ARHGAP32: variants seen among roughly 807,000 people sequenced by gnomAD.
ARHGAP32 encodes rho GTPase-activating protein 32.
A neutral mutation model predicts 186.5 loss-of-function variants in ARHGAP32; 51 were observed. The ratio of observed to expected loss-of-function variants is 0.27; its 90% CI spans 0.22 to 0.35. The LOEUF (loss-of-function observed/expected upper bound fraction) is 0.35. Among genes scored for constraint, ARHGAP32 ranks in the 10% least tolerant of loss-of-function variants. ARHGAP32 has a pLI of 1.00. For missense variants in ARHGAP32, 2,186 were observed against 2,623.5 expected, an observed-to-expected ratio of 0.83 and a Z score of 3.64; for synonymous variants, 950 against 964.3, an observed-to-expected ratio of 0.99 and a Z score of 0.27.
rs376118787 is a variant in ARHGAP32 at position 128,972,708 on chromosome 11, G to A, written c.3798C>T (p.Pro1266=). 4.3e-6 allele frequency: 7 copies of A among 1,613,888 alleles called. No homozygotes were observed. The highest frequency in any genetic ancestry group is 2.7e-5 in the African/African-American group (2 of 74,854). ...SDKIYPPSGS[P]EENTSTATMT... ...TGGTGGCTGTGCTGGTATTCTCTTC[G>A]GGGGACCCAGAAGGAGGGTAGATTT... is the stretch of plus-strand genomic sequence containing the variant. Residue 1266 remains proline (P), a synonymous_variant, in exon 22 of 23, where the codon CCC becomes CCT. Transcript: ENST00000682385.
At chr11:129,253,488 A>C (rs908183409) in intron 1 of ARHGAP32, among the ~76,000 whole-genome samples, 2 of 152,216 alleles carry the variant, frequency 1.3e-5, no homozygotes, top group Admixed American at 6.5e-5. Flanking sequence ...GGAGTGCAAA[A>C]GTCTAAATCT....
At chr11:129,211,176 T>A (rs1374972681) in intron 1 of ARHGAP32, among the ~76,000 whole-genome samples, 1 of 152,180 alleles carries the variant, frequency 6.6e-6, no homozygotes, top group Non-Finnish European at 1.5e-5. Context: ...TCTGACATGT[T>A]TTTTAACTAA....
At chr11:129,179,646 G>A (rs959241948) in intron 1 of ARHGAP32, among the ~76,000 whole-genome samples, 2 of 152,042 alleles carry the variant, frequency 1.3e-5, no homozygotes, top group African/African-American at 4.8e-5. Context: ...CCTTTGTAGG[G>A]ACATGGATGA....
intron 2 of ARHGAP32, among the ~76,000 whole-genome samples, chr11:129,130,390 TAATA>T (rs1439801064): frequency 6.6e-6 from 1 of 151,538 alleles, no homozygotes; most frequent in Non-Finnish European, 1.5e-5. Flanking sequence ...ATAAACACAA[TAATA>T]AATCTGAGGT....
rs193206378 is a variant in ARHGAP32 at position 128,989,567 on chromosome 11, T to A, written c.1196-1442A>T. On this transcript the variant is annotated intron_variant, in intron 12 of 22. Coordinates refer to ENST00000682385, the MANE Select transcript of ARHGAP32 (RefSeq NM_001378024.1). The stretch of plus-strand genomic sequence containing the variant: ...ACACACACACACACATACATATATC[T>A]TTTTTTATTATACTTTAAGTTCTGG... Among the ~76,000 whole-genome samples, 15 of 134,298 alleles carry A rather than the reference T, an allele frequency of 1.1e-4. No individual in the cohort carries two copies. The East Asian group carries it at 2.9e-3, about 26-fold the overall frequency. 88.1% of individuals were successfully genotyped at this position (134,298 alleles called of 152,430 possible).
Position 129,033,824 on chromosome 11 carries a change from T to C in ARHGAP32, c.1045+7104A>G, listed in dbSNP as rs574957826. Among the ~76,000 whole-genome samples, 6 of 152,310 alleles carry C rather than the reference T, an allele frequency of 3.9e-5. No individual in the cohort carries two copies. In the East Asian group the frequency reaches 1.2e-3, roughly 29 times the overall value. On this transcript the variant is annotated intron_variant, in intron 11 of 22. Coordinates refer to ENST00000682385, the MANE Select transcript of ARHGAP32 (RefSeq NM_001378024.1). ...GTCCAGCTGACTCAGTACTCTTTAT[T>C]GAAATGACTGTTCTTTTGAAACTGC...
At chr11:129,049,882 CAGTT>C (rs772663064) in intron 10 of ARHGAP32, among the ~76,000 whole-genome samples, 4 of 151,256 alleles carry the variant, frequency 2.6e-5, no homozygotes, top group East Asian at 2.0e-4. Context: ...TTTCTGTAAA[CAGTT>C]AGATCGTGTG....
chr11:129,105,371 A>C (rs895890406), intron 5 of ARHGAP32, among the ~76,000 whole-genome samples: 5 of 152,204 alleles, frequency 3.3e-5, no homozygotes, highest in African/African-American at 1.2e-4. Flanking sequence ...GGATAAGTGT[A>C]ACATGAAGGG....
intron 2 of ARHGAP32, among the ~76,000 whole-genome samples, chr11:129,158,650 A>T (rs1297142176): frequency 6.6e-6 from 1 of 152,192 alleles, no homozygotes; most frequent in East Asian, 1.9e-4. Flanking sequence ...TAGACAGATC[A>T]ACAAGACAGA....
At chr11:129,170,366 T>C (rs1415250110) in intron 1 of ARHGAP32, among the ~76,000 whole-genome samples, 1 of 152,108 alleles carries the variant, frequency 6.6e-6, no homozygotes, top group Non-Finnish European at 1.5e-5. Flanking sequence ...ATCTGTGTTG[T>C]TCCCCTCTCT....
intron 13 of ARHGAP32, 42 bp from the exon 14 acceptor site, chr11:128,986,710 G>T: frequency 6.2e-7 from 1 of 1,601,794 alleles, no homozygotes; most frequent in Non-Finnish European, 8.5e-7. Flanking sequence ...TTTGATTGAG[G>T]AGAGCAAATA....
In ARHGAP32 at chr11:129,123,742, A is replaced by G; in HGVS notation, c.359+146T>C. On this transcript the variant is annotated intron_variant, in intron 4 of 22. Coordinates refer to ENST00000682385, the MANE Select transcript of ARHGAP32 (RefSeq NM_001378024.1). The surrounding 1 kb of genome is among the most constrained non-coding windows in gnomAD (Gnocchi z 4.6). The stretch of plus-strand genomic sequence containing the variant: ...AGTGTACAGATCAAAACCCAAAATA[A>G]AAAAAGCATCACCGTTATCTCCTAA... The G allele has an allele frequency of 2.7e-6, 2 of 753,282 alleles. No individual in the cohort carries two copies. The highest frequency in any genetic ancestry group is 4.1e-6 in the Non-Finnish European group (2 of 486,774). 46.7% of individuals were successfully genotyped at this position (753,282 alleles called of 1,614,324 possible). A position where few individuals can be genotyped will look rare whatever the true frequency, so the allele number is the denominator to read the frequency against.
intron 1 of ARHGAP32, among the ~76,000 whole-genome samples, chr11:129,219,822 T>A (rs1184536873): frequency 6.6e-6 from 1 of 151,952 alleles, no homozygotes; most frequent in African/African-American, 2.4e-5. Context: ...AAAAATAACA[T>A]CTGGAGGTTA....
chr11:129,112,369 G>T (rs1942245866), intron 5 of ARHGAP32, among the ~76,000 whole-genome samples: 1 of 152,032 alleles, frequency 6.6e-6, no homozygotes. Flanking sequence ...GATGTGCCTT[G>T]GCCTTTTTGA....
At chr11:129,148,201 G>T (rs557166494) in intron 2 of ARHGAP32, among the ~76,000 whole-genome samples, 1 of 152,120 alleles carries the variant, frequency 6.6e-6, no homozygotes, top group Admixed American at 6.6e-5. Context: ...CCAAAGAAAT[G>T]TATCAGGAAA....
intron 1 of ARHGAP32, among the ~76,000 whole-genome samples, chr11:129,207,216 C>T (rs998182977): frequency 9.2e-5 from 14 of 151,940 alleles, no homozygotes; most frequent in Admixed American, 8.5e-4. Context: ...AATAAACATA[C>T]GTGTGCGTGT....
At chr11:129,051,370 G>C (rs1940034542) in intron 10 of ARHGAP32, among the ~76,000 whole-genome samples, 1 of 152,108 alleles carries the variant, frequency 6.6e-6, no homozygotes, top group Admixed American at 6.5e-5. Flanking sequence ...CTGTGGTTTT[G>C]ATTTGCATTT....
At chr11:129,073,975 G>C (rs189771830) in intron 6 of ARHGAP32, among the ~76,000 whole-genome samples, 157 of 152,184 alleles carry the variant, frequency 1.0e-3, no homozygotes, top group Non-Finnish European at 1.9e-3. Flanking sequence ...CAGCAACCTA[G>C]AATTCCATAC....
rs567410812 is a variant in ARHGAP32 at position 129,135,637 on chromosome 11, G to A, written c.226-10743C>T. Among the ~76,000 whole-genome samples the A allele has an allele frequency of 1.5e-4, 23 of 152,176 alleles. 1 individual carries two copies. The South Asian group carries it at 1.9e-3, about 12-fold the overall frequency. On this transcript the variant is annotated intron_variant, in intron 2 of 22. Coordinates refer to ENST00000682385, the MANE Select transcript of ARHGAP32 (RefSeq NM_001378024.1). Reference sequence around the variant, plus strand: ...AAAAAATTAGCCAGGCGTGGTGGCAGGTGCCTGTAGTCCCAGCTACTCAGG... The same window carrying A: ...AAAAAATTAGCCAGGCGTGGTGGCAAGTGCCTGTAGTCCCAGCTACTCAGG...
Sources: allele counts gnomAD v4.1 joint callset (sites outside exome capture counted in the v4.1 genomes callset), GRCh38; gene constraint gnomAD v4.1.1; non-coding constraint Gnocchi (gnomAD v3.1); transcripts MANE v1.5; gene names NCBI Gene and HGNC (gene_info 2026-07-23, HGNC 2026-07-21).